LRRC20: variants seen among roughly 807,000 people sequenced by gnomAD.
LRRC20 encodes leucine-rich repeat-containing protein 20.
A neutral mutation model predicts 14.4 loss-of-function variants in LRRC20; 11 were observed. The ratio of observed to expected loss-of-function variants is 0.77; its 90% CI spans 0.48 to 1.27. LRRC20 has a LOEUF of 1.27. LRRC20 is among the 50% of genes most tolerant of loss of function. LRRC20 has a pLI of 0.00. For synonymous variants in LRRC20, 121 were observed against 107.3 expected (o/e 1.13, Z -0.79); for missense variants, 219 against 251.2 (o/e 0.87, Z 0.87).
chr10:70,364,077 G>C (rs552035299), intron 2 of LRRC20, among the ~76,000 whole-genome samples: 1 of 152,382 alleles, frequency 6.6e-6, no homozygotes, highest in South Asian at 2.1e-4. Context: ...TCTGGGAGCT[G>C]CTGTGTGAGA....
intron 1 of LRRC20, among the ~76,000 whole-genome samples, chr10:70,377,665 A>C (rs1023504534): frequency 1.3e-5 from 2 of 152,244 alleles, no homozygotes; most frequent in African/African-American, 4.8e-5. Flanking sequence ...AGGCAGAAGA[A>C]GGCGAAGGGC....
chr10:70,308,517 C>T (rs1449844218), intron 4 of LRRC20, among the ~76,000 whole-genome samples: 1 of 152,188 alleles, frequency 6.6e-6, no homozygotes, highest in Non-Finnish European at 1.5e-5. Context: ...ACCAGGGGCC[C>T]AGTCCACGGC....
At chr10:70,335,362 G>T (rs553445362) in intron 3 of LRRC20, among the ~76,000 whole-genome samples, 1 of 152,134 alleles carries the variant, frequency 6.6e-6, no homozygotes, top group African/African-American at 2.4e-5. Flanking sequence ...CAGGCTGGCC[G>T]ACTGGAGCAA....
chr10:70,328,674 T>G (rs1196324119), intron 3 of LRRC20, among the ~76,000 whole-genome samples: 1 of 152,184 alleles, frequency 6.6e-6, no homozygotes, highest in Non-Finnish European at 1.5e-5. Flanking sequence ...TCCCAGCACT[T>G]TGGGAGGCCA....
In LRRC20 at chr10:70,300,175, T is replaced by C. The variant is rs750209228; in HGVS notation, c.*1179A>G. On this transcript the variant is annotated 3_prime_UTR_variant, in exon 5 of 5. Coordinates refer to ENST00000446961, the MANE Select transcript of LRRC20 (RefSeq NM_001278212.2). The stretch of plus-strand genomic sequence containing the variant: ...GAGGAGAAGGTGGGAGGTAGATACC[T>C]GAGGACCAAGCAGTCAAGGTTCTTC... 4 of 171,662 alleles carry C rather than the reference T, an allele frequency of 2.3e-5. No homozygotes were observed. Among genetic ancestry groups the C allele is most frequent in the Non-Finnish European group, 4.7e-5 (4 of 85,928 alleles). The allele number at this position is 171,662 out of a possible 1,614,324, so 10.6% of individuals were successfully genotyped here. A position where few individuals can be genotyped will look rare whatever the true frequency, so the allele number is the denominator to read the frequency against.
At chr10:70,358,834 C>A (rs1396475827) in intron 2 of LRRC20, among the ~76,000 whole-genome samples, 1 of 152,204 alleles carries the variant, frequency 6.6e-6, no homozygotes, top group Non-Finnish European at 1.5e-5. Context: ...CCAGGACCCA[C>A]AAGAGGTGAG....
At chr10:70,322,269 G>A (rs1020488923) in intron 4 of LRRC20, among the ~76,000 whole-genome samples, 2 of 152,214 alleles carry the variant, frequency 1.3e-5, no homozygotes, top group Admixed American at 6.5e-5. Flanking sequence ...CAAAGCTGGC[G>A]CTGGTGAGAC....
intron 4 of LRRC20, among the ~76,000 whole-genome samples, chr10:70,321,268 A>C (rs1842066309): frequency 1.3e-5 from 2 of 152,234 alleles, no homozygotes; most frequent in South Asian, 4.1e-4. Flanking sequence ...ACAAGTAGCG[A>C]AGAGTGCAGA....
chr10:70,327,666 A>T (rs1404450914), intron 3 of LRRC20, among the ~76,000 whole-genome samples: 1 of 151,930 alleles, frequency 6.6e-6, no homozygotes, highest in Non-Finnish European at 1.5e-5. Flanking sequence ...TGTTCTGGGG[A>T]TTTACATGTA....
At chr10:70,367,340 A>AAAAAG (rs1554843835) in intron 2 of LRRC20, among the ~76,000 whole-genome samples, 1 of 145,036 alleles carries the variant, frequency 6.9e-6, no homozygotes, top group Non-Finnish European at 1.5e-5. Context: ...AAAAAAAAAA[A>AAAAAG]AAAGAAAGAA....
intron 3 of LRRC20, 109 bp from the exon 4 acceptor site, chr10:70,324,139 G>A: frequency 1.0e-6 from 1 of 959,132 alleles, no homozygotes; most frequent in Non-Finnish European, 1.6e-6. Flanking sequence ...AAGGCACAGA[G>A]GAAGCCCTAG....
intron 4 of LRRC20, among the ~76,000 whole-genome samples, chr10:70,321,529 T>G (rs1240531865): frequency 1.3e-5 from 2 of 152,334 alleles, no homozygotes; most frequent in South Asian, 4.1e-4. Flanking sequence ...CCCCTCTCTC[T>G]AGCTCGGGGG....
At chr10:70,379,683 T>C (rs1020598927) in intron 1 of LRRC20, among the ~76,000 whole-genome samples, 1 of 152,178 alleles carries the variant, frequency 6.6e-6, no homozygotes, top group African/African-American at 2.4e-5. Flanking sequence ...GCCACCAAGC[T>C]GCCCAGGGTA....
chr10:70,365,673 C>T (rs559583442), intron 2 of LRRC20, among the ~76,000 whole-genome samples: 2 of 152,180 alleles, frequency 1.3e-5, no homozygotes, highest in Admixed American at 1.3e-4. Flanking sequence ...TGCACTCCAG[C>T]CTGGGCAACA....
At chr10:70,330,950 ACCGGGGAC>A (rs1842513026) in intron 3 of LRRC20, among the ~76,000 whole-genome samples, 4 of 152,232 alleles carry the variant, frequency 2.6e-5, no homozygotes, top group South Asian at 4.1e-4. Context: ...AAAGAGCCTG[ACCGGGGAC>A]CCGGGGACCC....
chr10:70,307,898 T>A (rs934835763), intron 4 of LRRC20, among the ~76,000 whole-genome samples: 1 of 152,214 alleles, frequency 6.6e-6, no homozygotes, highest in East Asian at 1.9e-4. Context: ...TCCAGCAACA[T>A]GTGTCCAGCT....
intron 4 of LRRC20, among the ~76,000 whole-genome samples, chr10:70,305,900 C>A (rs1841402139): frequency 1.3e-5 from 2 of 152,008 alleles, no homozygotes; most frequent in Non-Finnish European, 2.9e-5. Context: ...GCCACCACGC[C>A]CGGCTAATTT....
chr10:70,370,917 G>A (rs1321765127), intron 2 of LRRC20, among the ~76,000 whole-genome samples: 2 of 152,106 alleles, frequency 1.3e-5, no homozygotes, highest in Non-Finnish European at 2.9e-5. Flanking sequence ...CTACTTGGAA[G>A]GCTGAGGTGG....
At chr10:70,359,181 C>G (rs1843631168) in intron 2 of LRRC20, among the ~76,000 whole-genome samples, 1 of 152,194 alleles carries the variant, frequency 6.6e-6, no homozygotes, top group South Asian at 2.1e-4. Context: ...GAATCCCTCT[C>G]CCTGCCCTCC....
Sources: allele counts gnomAD v4.1 joint callset (sites outside exome capture counted in the v4.1 genomes callset), GRCh38; gene constraint gnomAD v4.1.1; transcripts MANE v1.5; gene names NCBI Gene and HGNC (gene_info 2026-07-23, HGNC 2026-07-21).